The following SIPA1L1 variants were observed in gnomAD, a reference collection of about 807,000 sequenced individuals.
SIPA1L1 encodes signal-induced proliferation-associated 1-like protein 1.
Under a neutral mutation model 162.7 loss-of-function variants are expected in SIPA1L1, and 26 were observed. That is an observed-to-expected ratio of 0.16 (90% confidence interval 0.12 to 0.22). The LOEUF is 0.22. Among genes scored for constraint, SIPA1L1 ranks in the 10% least tolerant of loss-of-function variants. The pLI, the probability that SIPA1L1 is intolerant of heterozygous loss-of-function variation, is 1.00. For missense variants in SIPA1L1, 1,874 were observed against 2,241.0 expected, an observed-to-expected ratio of 0.84 and a Z score of 3.31; for synonymous variants, 829 against 837.4, an observed-to-expected ratio of 0.99 and a Z score of 0.17.
chr14:71,496,268 A>C (rs2049771227), intron 2 of SIPA1L1, among the ~76,000 whole-genome samples: 1 of 152,194 alleles, frequency 6.6e-6, no homozygotes, highest in Non-Finnish European at 1.5e-5. Context: ...AAGGAGTTCA[A>C]GGCCAGTCTG....
At chr14:71,389,132 G>A (rs190754837) in intron 2 of SIPA1L1, among the ~76,000 whole-genome samples, 8 of 152,286 alleles carry the variant, frequency 5.3e-5, no homozygotes, top group Admixed American at 3.3e-4. Flanking sequence ...TTGTCTGATT[G>A]TTTCAAAGAT....
Position 71,377,793 on chromosome 14 carries a change from G to T in SIPA1L1, c.-465+56612G>T, listed in dbSNP as rs538809485. 6.6e-5 allele frequency among the ~76,000 whole-genome samples: 10 copies of T among 152,326 alleles called. No homozygotes were observed. Among genetic ancestry groups the T allele is most frequent in the African/African-American group, 2.4e-4 (10 of 41,580 alleles). ...AGCTGGAGACCAGTCCGGCCAACACGGCGAAACCCCGTCTCCACCAAAAAA... is the reference window on the plus strand; with the variant it reads ...AGCTGGAGACCAGTCCGGCCAACACTGCGAAACCCCGTCTCCACCAAAAAA... On this transcript the variant is annotated intron_variant, in intron 2 of 23. Coordinates refer to ENST00000381232, the MANE Select transcript of SIPA1L1 (RefSeq NM_001386936.1). The surrounding 1 kb of genome is among the most constrained non-coding windows in gnomAD (Gnocchi z 4.8).
At chr14:71,724,524 T>C in intron 18 of SIPA1L1, 146 bp from the exon 19 acceptor site, 1 of 584,042 alleles carries the variant, frequency 1.7e-6, no homozygotes, top group South Asian at 3.3e-5. Flanking sequence ...TATGAGTAGA[T>C]TCGCATATAA....
At chr14:71,690,106 A>G (rs2081150359) in intron 13 of SIPA1L1, among the ~76,000 whole-genome samples, 1 of 152,164 alleles carries the variant, frequency 6.6e-6, no homozygotes, top group African/African-American at 2.4e-5. Context: ...GAAGCCTCAG[A>G]CTTGTGCTTT....
At chr14:71,379,638 C>A (rs1425167402) in intron 2 of SIPA1L1, 18 of 152,254 alleles carry the variant, frequency 1.2e-4, no homozygotes, top group Admixed American at 1.2e-3. Flanking sequence ...TTAACCTGAT[C>A]TTTAAAATAT....
At chr14:71,446,894 G>GGTTTTTTTTTTTTTTTT (rs2045394010) in intron 2 of SIPA1L1, among the ~76,000 whole-genome samples, 2 of 87,406 alleles carry the variant, frequency 2.3e-5, no homozygotes, top group African/African-American at 8.7e-5. Context: ...GATGGGCTCT[G>GGTTTTTTTTTTTTTTTT]TTTTTTTTTT....
Position 71,617,020 on chromosome 14 carries a change from T to A in SIPA1L1, c.1499-1737T>A, listed in dbSNP as rs79106411. Among the ~76,000 whole-genome samples the A allele has an allele frequency of 5.3e-3, 802 of 152,298 alleles. 9 individuals are homozygous for A. Among genetic ancestry groups the A allele is most frequent in the African/African-American group, 0.018 (759 of 41,544 alleles). On this transcript the variant is annotated intron_variant, in intron 5 of 23. Transcript: ENST00000381232. The stretch of plus-strand genomic sequence containing the variant: ...ACCAGGTAATGAGTGTGACTCACAC[T>A]CTGATGCATCTACTGTTGATCTGTG...
intron 2 of SIPA1L1, among the ~76,000 whole-genome samples, chr14:71,351,460 T>A (rs2036699264): frequency 6.6e-6 from 1 of 152,222 alleles, no homozygotes. Context: ...ATTAAATCCC[T>A]TTGTTACTTT....
intron 2 of SIPA1L1, among the ~76,000 whole-genome samples, chr14:71,486,969 T>C (rs1385375986): frequency 6.6e-6 from 1 of 152,218 alleles, no homozygotes; most frequent in Admixed American, 6.5e-5. Flanking sequence ...CTTCTTTAGA[T>C]AGAACTCTTG....
At chr14:71,604,050 G>A (rs1437206227) in intron 5 of SIPA1L1, among the ~76,000 whole-genome samples, 1 of 143,316 alleles carries the variant, frequency 7.0e-6, no homozygotes, top group African/African-American at 2.6e-5. Context: ...AGACTAGAGT[G>A]TAGAGGCCTG....
intron 2 of SIPA1L1, among the ~76,000 whole-genome samples, chr14:71,421,450 G>T (rs746861574): frequency 2.6e-5 from 4 of 151,900 alleles, no homozygotes; most frequent in Non-Finnish European, 4.4e-5. Flanking sequence ...AAAAAAAAAG[G>T]TAGGCAGGTA....
chr14:71,729,817 T>C (rs1228293323), intron 19 of SIPA1L1, among the ~76,000 whole-genome samples: 1 of 152,186 alleles, frequency 6.6e-6, no homozygotes, highest in Non-Finnish European at 1.5e-5. Context: ...CTTAATCACA[T>C]ACCTGAATCA....
chr14:71,381,145 C>T lies in SIPA1L1; in HGVS notation c.-465+59964C>T, dbSNP rs565854852. 1.2e-4 allele frequency among the ~76,000 whole-genome samples: 18 copies of T among 152,296 alleles called. No homozygotes were observed. The East Asian group carries it at 2.9e-3, about 25-fold the overall frequency. ...TTGGCTCACTGCAACCTCCGCCTCC[C>T]GGGTTCAAGTGATTCTCCTGCCTCA... On this transcript the variant is annotated intron_variant, in intron 2 of 23. Transcript: ENST00000381232.
At chr14:71,356,567 C>CAAAAAAAAAAAAAAAAAAAG (rs2037270960) in intron 2 of SIPA1L1, among the ~76,000 whole-genome samples, 1 of 39,172 alleles carries the variant, frequency 2.6e-5, no homozygotes, top group Non-Finnish European at 4.3e-5. Context: ...CTTGTCTCTA[C>CAAAAAAAAAAAAAAAAAAAG]AAAAAAAAAA....
At chr14:71,738,476 G>A in intron 23 of SIPA1L1, 151 bp downstream of exon 23, 1 of 566,778 alleles carries the variant, frequency 1.8e-6, no homozygotes, top group Non-Finnish European at 3.1e-6. Context: ...AGTTGCCACT[G>A]GAACACACAG....
At chr14:71,498,047 G>C (rs1285728784) in intron 2 of SIPA1L1, among the ~76,000 whole-genome samples, 1 of 152,164 alleles carries the variant, frequency 6.6e-6, no homozygotes, top group South Asian at 2.1e-4. Flanking sequence ...GTGTGAGTGG[G>C]ATCTTCTTAT....
At chr14:71,548,084 T>C (rs544969505) in intron 4 of SIPA1L1, among the ~76,000 whole-genome samples, 18 of 152,372 alleles carry the variant, frequency 1.2e-4, no homozygotes, top group African/African-American at 4.1e-4. Flanking sequence ...TATAAAACCA[T>C]GAACAATGCC....
intron 2 of SIPA1L1, among the ~76,000 whole-genome samples, chr14:71,411,536 C>T (rs553819183): frequency 1.3e-5 from 2 of 152,284 alleles, no homozygotes; most frequent in Non-Finnish European, 2.9e-5. Flanking sequence ...ATTTCACGGG[C>T]ACCTTGAATC....
rs745970090 is a variant in SIPA1L1, at chr14:71,650,387, C to G, written c.1871C>G (p.Thr624Ser). ...GIMYCKAGQS[T>S]EEEMYNNESA... ...ATGTACTGCAAAGCTGGACAGAGCA[C>G]TGAAGAAGAGATGTACAACAATGAG... Residue 624 changes from threonine to serine, a missense_variant, in exon 8 of 24, where the codon ACT becomes AGT. Physicochemically the swap from Thr to Ser is moderately conservative, Grantham distance 58. Around this residue, in one of 5 missense-constraint regions of SIPA1L1, gnomAD observed 685 missense variants for 828.0 expected, o/e 0.83. Transcript: ENST00000381232. 1.1e-5 allele frequency: 17 copies of G among 1,614,032 alleles called. No individual in the cohort carries two copies. The highest frequency in any genetic ancestry group is 1.4e-5 in the Non-Finnish European group (17 of 1,180,024).
Sources: gnomAD v4.1 joint callset for allele counts (sites outside exome capture counted in the v4.1 genomes callset) on GRCh38, gnomAD v4.1.1 for gene constraint, gnomAD v4.1.1 regional missense constraint, Gnocchi (gnomAD v3.1) non-coding constraint, MANE v1.5 for transcripts, NCBI Gene and HGNC (gene_info 2026-07-23, HGNC 2026-07-21) for gene names.